The following CSAG1 variants were observed in gnomAD, a reference collection of about 807,000 sequenced individuals.
The protein encoded by CSAG1 is chondrosarcoma associated gene 1, also known as chondrosarcoma-associated gene 1 protein.
In CSAG1, 4 loss-of-function variants were observed where a neutral mutation model predicts 4.8. The ratio of observed to expected loss-of-function variants is 0.83; its 90% CI spans 0.41 to 1.90. The LOEUF is 1.90. CSAG1 is among the 40% of genes most tolerant of loss of function. CSAG1 has a pLI of 0.03. For missense variants in CSAG1, 69 were observed against 59.5 expected, an observed-to-expected ratio of 1.16 and a Z score of -0.53; for synonymous variants, 21 against 23.1, an observed-to-expected ratio of 0.91 and a Z score of 0.26.
chrX:152,729,127 A>G (rs1332794710), intron 2 of CSAG1, among the ~76,000 whole-genome samples: 1 of 110,928 alleles, frequency 9.0e-6, no homozygotes, highest in Non-Finnish European at 1.9e-5. Flanking sequence ...GTGAAAGTAC[A>G]GGTTTTCCAA....
chrX:152,733,561 C>A (rs1368037356), intron 1 of CSAG1, 107 bp downstream of exon 1: 1 of 107,572 alleles, frequency 9.3e-6, no homozygotes, highest in Non-Finnish European at 1.9e-5. Context: ...TGAGGGATGA[C>A]CAAAGGCCCC....
chrX:152,727,804 C>A lies in CSAG1; in HGVS notation c.227G>T (p.Gly76Val). 3.3e-6 allele frequency: 4 copies of A among 1,210,523 alleles called. No individual in the cohort carries two copies. The highest frequency in any genetic ancestry group is 4.5e-6 in the Non-Finnish European group (4 of 894,704). Residue 76 changes from glycine to valine, a missense_variant, in exon 4 of 4, where the codon GGC becomes GTC. Gly to Val is a moderately radical substitution (Grantham distance 109). Transcript: ENST00000452779. ...TGAAGCGGTGGTCTTTTAGGGAGAG[C>A]CTTTTGTTCCTGGAACTTCCTTGAC... The part of the protein sequence containing the change: ...GPVKEVPGTK[G>V]SP
At chrX:152,730,007 TATAC>T (rs1932122376) in intron 2 of CSAG1, among the ~76,000 whole-genome samples, 2 of 79,573 alleles carry the variant, frequency 2.5e-5, no homozygotes, top group South Asian at 7.2e-4. Context: ...TATATATATA[TATAC>T]ACACATACAC....
At chrX:152,729,998 A>ATATATATATATATG (rs1932121739) in intron 2 of CSAG1, among the ~76,000 whole-genome samples, 1 of 75,031 alleles carries the variant, frequency 1.3e-5, no homozygotes, top group Non-Finnish European at 2.8e-5. Context: ...TGGATTATAT[A>ATATATATATATATG]TATATATATA....
Position 152,728,058 on chromosome X carries a change from C to T in CSAG1, c.167+16G>A, listed in dbSNP as rs1556830712. 20 of 1,209,020 alleles carry T rather than the reference C, an allele frequency of 1.7e-5. No homozygotes were observed. The Admixed American group carries it at 3.9e-4, about 24-fold the overall frequency. The stretch of plus-strand genomic sequence containing the variant: ...CTTCTGGGCCAGGGATGAGAGGATG[C>T]TTTCCCCTTCCTCGCCTCTTTGGTG... On this transcript the variant is annotated intron_variant, in intron 3 of 3. Transcript: ENST00000452779.
intron 2 of CSAG1, among the ~76,000 whole-genome samples, chrX:152,731,480 G>A (rs1556228266): frequency 9.0e-6 from 1 of 111,729 alleles, no homozygotes; most frequent in East Asian, 2.8e-4. Flanking sequence ...AAATGATCAG[G>A]GAAAACTAAC....
rs1391533202 is a variant in CSAG1 at position 152,732,464 on chromosome X, A to T, written c.-4T>A. The T allele has an allele frequency of 7.5e-6, 9 of 1,205,404 alleles. No individual in the cohort carries two copies. The highest frequency in any genetic ancestry group is 1.0e-5 in the Non-Finnish European group (9 of 893,875). Reference sequence around the variant, plus strand: ...CCTTACCTGTAGTCGCCGACATTACAAGCAAATTTGGGCTGCTGTGCTCTG... The same window carrying T: ...CCTTACCTGTAGTCGCCGACATTACTAGCAAATTTGGGCTGCTGTGCTCTG... On this transcript the variant is annotated 5_prime_UTR_variant, in exon 2 of 4. Coordinates refer to ENST00000452779, the MANE Select transcript of CSAG1 (RefSeq NM_001102576.3).
At chrX:152,730,763 T>C (rs2515839) in intron 2 of CSAG1, among the ~76,000 whole-genome samples, 1 of 111,013 alleles carries the variant, frequency 9.0e-6, no homozygotes, top group African/African-American at 3.3e-5. Context: ...TGAAGCTTAA[T>C]GTATGTAACG....
At chrX:152,730,068 T>C (rs1419531174) in intron 2 of CSAG1, among the ~76,000 whole-genome samples, 2 of 100,483 alleles carry the variant, frequency 2.0e-5, no homozygotes, top group African/African-American at 3.6e-5. Context: ...CTACTACTCC[T>C]CAATGAAAAG....
chrX:152,728,453 G>A (rs1269275465), intron 2 of CSAG1, among the ~76,000 whole-genome samples: 1 of 111,999 alleles, frequency 8.9e-6, no homozygotes, highest in Non-Finnish European at 1.9e-5. Context: ...GTATAGCCTA[G>A]ACAAGTTGAC....
At chrX:152,730,011 C>CATATATATATATATATATATATAT (rs60344977) in intron 2 of CSAG1, among the ~76,000 whole-genome samples, 2 of 77,892 alleles carry the variant, frequency 2.6e-5, no homozygotes, top group Non-Finnish European at 4.8e-5. Context: ...TATATATATA[C>CATATATATATATATATATATATAT]ACACATACAC....
intron 2 of CSAG1, among the ~76,000 whole-genome samples, chrX:152,729,975 T>C: frequency 1.0e-5 from 1 of 98,186 alleles, no homozygotes; most frequent in East Asian, 3.3e-4. Context: ...CAAAATGTAT[T>C]TCATTTGGTG....
At chrX:152,730,942 T>A (rs1399777026) in intron 2 of CSAG1, among the ~76,000 whole-genome samples, 1 of 112,874 alleles carries the variant, frequency 8.9e-6, no homozygotes, top group Non-Finnish European at 1.9e-5. Context: ...TTATAAAGTA[T>A]ATGTCTTCCA....
chrX:152,732,313 T>A (rs1932174751), intron 2 of CSAG1, 132 bp downstream of exon 2: 2 of 839,697 alleles, frequency 2.4e-6, no homozygotes, highest in Non-Finnish European at 3.2e-6. Flanking sequence ...GAGGCAACTA[T>A]CGAAGTATAC....
chrX:152,729,003 G>A (rs1556831223), intron 2 of CSAG1, among the ~76,000 whole-genome samples: 1 of 110,350 alleles, frequency 9.1e-6, no homozygotes, highest in Non-Finnish European at 1.9e-5. Context: ...TATGAATTTG[G>A]TGGAGGACAT....
At chrX:152,730,987 CATTT>C (rs368089144) in intron 2 of CSAG1, among the ~76,000 whole-genome samples, 82 of 112,530 alleles carry the variant, frequency 7.3e-4, no homozygotes, top group African/African-American at 2.6e-3. Context: ...ATTTGATAAT[CATTT>C]ATTTAATTTT....
At chrX:152,731,035 A>G (rs181530491) in intron 2 of CSAG1, among the ~76,000 whole-genome samples, 92 of 112,647 alleles carry the variant, frequency 8.2e-4, no homozygotes, top group African/African-American at 2.6e-3. Flanking sequence ...TTTGTTTAAT[A>G]AAAAGTCCTT....
At position 152,727,628 on chromosome X, in the gene CSAG1, C is replaced by T. The variant is rs1932040983; in HGVS notation, c.*166G>A. The T allele has an allele frequency of 9.7e-6, 6 of 616,271 alleles. No individual in the cohort carries two copies. In the African/African-American group the frequency reaches 1.1e-4, roughly 11 times the overall value. The allele number at this position is 616,271 out of a possible 1,213,427, so 50.8% of individuals were successfully genotyped here. On this transcript the variant is annotated 3_prime_UTR_variant, in exon 4 of 4. Coordinates refer to ENST00000452779, the MANE Select transcript of CSAG1 (RefSeq NM_001102576.3). ...ATAGACTTGAAGTCTCTGGCCTTGC[C>T]TGGGAATTACTGGCTGCCCAAGGAA...
intron 2 of CSAG1, among the ~76,000 whole-genome samples, chrX:152,730,869 C>T (rs781851639): frequency 8.9e-6 from 1 of 112,333 alleles, no homozygotes; most frequent in African/African-American, 3.2e-5. Context: ...ATGAAACCAC[C>T]ACAGTGAAGC....
Sources: allele counts gnomAD v4.1 joint callset (sites outside exome capture counted in the v4.1 genomes callset), GRCh38; gene constraint gnomAD v4.1.1; transcripts MANE v1.5; gene names NCBI Gene and HGNC (gene_info 2026-07-23, HGNC 2026-07-21).